The following DCC variants were observed in gnomAD, a reference collection of about 807,000 sequenced individuals.
DCC encodes the protein DCC netrin 1 receptor.
Under a neutral mutation model 172.5 loss-of-function variants are expected in DCC, and 58 were observed. That is an observed-to-expected ratio of 0.34 (90% CI 0.27 to 0.42). The LOEUF is 0.42. DCC is among the 10% of genes least tolerant of loss of function. The pLI, the probability that DCC is intolerant of heterozygous loss-of-function variation, is 1.00. For synonymous variants in DCC, 709 were observed against 644.5 expected, an observed-to-expected ratio of 1.10 and a Z score of -1.52; for missense variants, 1,740 against 1,791.0, an observed-to-expected ratio of 0.97 and a Z score of 0.51.
intron 13 of DCC, among the ~76,000 whole-genome samples, chr18:53,314,106 G>A (rs2057316560): frequency 6.6e-6 from 1 of 152,024 alleles, no homozygotes. Context: ...ACTTAATCAC[G>A]TTAGATAGGA....
chr18:53,068,817 G>GTGTGTGTGTGT, intron 7 of DCC, among the ~76,000 whole-genome samples: 1 of 150,534 alleles, frequency 6.6e-6, no homozygotes, highest in African/African-American at 2.5e-5. Flanking sequence ...GTGTGTGTGT[G>GTGTGTGTGTGT]TTGCTGGGGA....
At chr18:53,262,004 C>T (rs189235878) in intron 12 of DCC, among the ~76,000 whole-genome samples, 12 of 152,226 alleles carry the variant, frequency 7.9e-5, no homozygotes, top group Admixed American at 3.9e-4. Context: ...GGTGGATTTC[C>T]ATCAGAAAAG....
chr18:52,939,142 A>G (rs2040424402), intron 5 of DCC, among the ~76,000 whole-genome samples: 1 of 152,172 alleles, frequency 6.6e-6, no homozygotes, highest in South Asian at 2.1e-4. Context: ...ATTATTCACT[A>G]GGATCTATCA....
At position 52,796,061 on chromosome 18, in the gene DCC, CT is replaced by C. The variant is rs10634818; in HGVS notation, c.412+43697del. Among the ~76,000 whole-genome samples the C allele has an allele frequency of 1.3e-3, 191 of 143,122 alleles. 1 individual carries two copies. The highest frequency in any genetic ancestry group is 4.4e-3 in the African/African-American group (173 of 39,366). 93.9% of individuals were successfully genotyped at this position (143,122 alleles called of 152,430 possible). On this transcript the variant is annotated intron_variant, in intron 2 of 28. Transcript: ENST00000442544. ...AAATTGTTTTCTATAGGTACAGTTA[CT>C]TTTTTTTTTCTGCTTTTGGTTTCCA... is the stretch of plus-strand genomic sequence containing the variant.
intron 2 of DCC, among the ~76,000 whole-genome samples, chr18:52,808,926 G>A (rs1216908254): frequency 6.6e-6 from 1 of 152,106 alleles, no homozygotes. Context: ...TTCTTAAACT[G>A]TAAATTTTTG....
chr18:52,644,881 C>T (rs918983272), intron 1 of DCC, among the ~76,000 whole-genome samples: 1 of 151,058 alleles, frequency 6.6e-6, no homozygotes, highest in African/African-American at 2.5e-5. Flanking sequence ...AAACAATTTG[C>T]TTGAGGAAGT....
intron 1 of DCC, among the ~76,000 whole-genome samples, chr18:52,372,736 G>A (rs1985175940): frequency 6.6e-6 from 1 of 152,090 alleles, no homozygotes; most frequent in Admixed American, 6.6e-5. Flanking sequence ...TCACCTCCTA[G>A]CTTAGATATC....
intron 12 of DCC, among the ~76,000 whole-genome samples, chr18:53,301,805 T>A (rs1444901739): frequency 2.6e-5 from 4 of 152,320 alleles, no homozygotes; most frequent in Admixed American, 6.5e-5. Flanking sequence ...CTGCTGCTTC[T>A]CCTCCTCTTC....
intron 2 of DCC, among the ~76,000 whole-genome samples, chr18:52,856,625 CA>C (rs11426617): frequency 2.4e-4 from 20 of 82,976 alleles, no homozygotes; most frequent in East Asian, 4.4e-4. Flanking sequence ...GACTCCATCT[CA>C]AAAAAAAAAA....
At chr18:53,516,389 G>A (rs906662282) in intron 27 of DCC, among the ~76,000 whole-genome samples, 1 of 145,868 alleles carries the variant, frequency 6.9e-6, no homozygotes, top group Non-Finnish European at 1.5e-5. Flanking sequence ...CATAGGCATG[G>A]GCAAGGACTT....
chr18:52,823,811 G>T (rs370344469), intron 2 of DCC, among the ~76,000 whole-genome samples: 4 of 152,236 alleles, frequency 2.6e-5, no homozygotes, highest in East Asian at 3.9e-4. Flanking sequence ...TCCTGTACGG[G>T]ATACATAATG....
At chr18:53,273,927 T>C (rs1255658826) in intron 12 of DCC, among the ~76,000 whole-genome samples, 1 of 152,030 alleles carries the variant, frequency 6.6e-6, no homozygotes, top group African/African-American at 2.4e-5. Flanking sequence ...TCCCTGATAA[T>C]ATTGTGTAGG....
chr18:53,507,245 T>C (rs1012448823), intron 27 of DCC, among the ~76,000 whole-genome samples: 2 of 152,222 alleles, frequency 1.3e-5, no homozygotes, highest in Admixed American at 6.5e-5. Context: ...AGGGGAAATG[T>C]TGAAATAAAG....
chr18:52,445,421 T>C (rs1254145463), intron 1 of DCC, among the ~76,000 whole-genome samples: 2 of 152,208 alleles, frequency 1.3e-5, no homozygotes, highest in Non-Finnish European at 2.9e-5. Context: ...CATAGCATCA[T>C]TATGCAGACA....
intron 12 of DCC, among the ~76,000 whole-genome samples, chr18:53,266,764 A>G (rs2056680235): frequency 6.6e-6 from 1 of 151,774 alleles, no homozygotes; most frequent in Non-Finnish European, 1.5e-5. Context: ...TTTCATATAA[A>G]TGAAATCATA....
At chr18:53,473,885 C>T (rs1159703699) in intron 25 of DCC, among the ~76,000 whole-genome samples, 1 of 152,150 alleles carries the variant, frequency 6.6e-6, no homozygotes, top group Non-Finnish European at 1.5e-5. Context: ...GAAACCCCTG[C>T]TTGATCCATC....
chr18:53,370,816 T>C (rs1230554604), intron 15 of DCC, among the ~76,000 whole-genome samples: 1 of 151,840 alleles, frequency 6.6e-6, no homozygotes, highest in Non-Finnish European at 1.5e-5. Context: ...TGTATGCTGT[T>C]GTTGTTAGAG....
chr18:53,343,965 G>T (rs1459139921), intron 15 of DCC, among the ~76,000 whole-genome samples: 1 of 151,690 alleles, frequency 6.6e-6, no homozygotes, highest in African/African-American at 2.4e-5. Context: ...GTTATCTATG[G>T]TTATTAACTG....
intron 15 of DCC, among the ~76,000 whole-genome samples, chr18:53,361,270 C>T (rs545679340): frequency 2.4e-4 from 36 of 152,188 alleles, no homozygotes; most frequent in Admixed American, 3.3e-4. Context: ...TGTGAAGAAA[C>T]GATTTTTGTT....
Sources: gnomAD v4.1 joint callset for allele counts (sites outside exome capture counted in the v4.1 genomes callset) on GRCh38, gnomAD v4.1.1 for gene constraint, MANE v1.5 for transcripts, NCBI Gene and HGNC (gene_info 2026-07-23, HGNC 2026-07-21) for gene names.